Variants in SEMA3D observed in about 807,000 individuals in gnomAD.
SEMA3D encodes semaphorin-3D.
A neutral mutation model predicts 100.1 loss-of-function variants in SEMA3D; 84 were observed. The observed-to-expected ratio is 0.84, with a 90% CI of 0.70 to 1.01. The LOEUF is 1.01. SEMA3D is among the 50% of genes least tolerant of loss of function. The pLI, the probability that SEMA3D is intolerant of heterozygous loss-of-function variation, is 0.00. For missense variants in SEMA3D, 875 were observed against 934.1 expected (o/e 0.94, Z 0.82); for synonymous variants, 312 against 320.7 (o/e 0.97, Z 0.29).
Position 85,006,880 on chromosome 7 carries a change from A to G in SEMA3D, c.1830T>C (p.Phe610=). ...VIFGIEFNST[F]LECIPKSQQA... is the part of the protein sequence containing the mutation. ...GTTGGGATTTAGGTATACATTCCAG[A>G]AAGGTTGAGTTAAATTCAATGCCAA... Residue 610 remains phenylalanine (F), a synonymous_variant, in exon 18 of 19, where the codon TTT becomes TTC. Transcript: ENST00000284136. 6.2e-7 allele frequency: 1 copy of G among 1,611,150 alleles called. No homozygotes were observed. Among genetic ancestry groups the G allele is most frequent in the Non-Finnish European group, 8.5e-7 (1 of 1,178,088 alleles).
At chr7:85,156,466 G>T (rs1198653806) in intron 1 of SEMA3D, among the ~76,000 whole-genome samples, 1 of 152,100 alleles carries the variant, frequency 6.6e-6, no homozygotes, top group African/African-American at 2.4e-5. Context: ...TCTAGAGCTT[G>T]ATTCTTCCAA....
chr7:85,230,595 C>T, the SEMA3D span, among the ~76,000 whole-genome samples: 1 of 152,180 alleles, frequency 6.6e-6, no homozygotes, highest in East Asian at 1.9e-4. Flanking sequence ...TCCAGTTTTA[C>T]TTATTAAAAG....
chr7:85,154,629 T>A (rs762886431), intron 1 of SEMA3D, among the ~76,000 whole-genome samples: 3 of 152,140 alleles, frequency 2.0e-5, no homozygotes, highest in Non-Finnish European at 4.4e-5. Context: ...ATGGCAGTGA[T>A]TTGAAATACA....
chr7:85,088,943 A>C (rs1240452361), intron 4 of SEMA3D, among the ~76,000 whole-genome samples: 1 of 152,072 alleles, frequency 6.6e-6, no homozygotes, highest in African/African-American at 2.4e-5. Flanking sequence ...GCTTTCTTCC[A>C]CGAATCATCT....
Position 85,042,299 on chromosome 7 carries a change from AAAAATAAAG to A in SEMA3D, c.862-23_862-15del. 6.5e-7 allele frequency: 1 copy of A among 1,542,050 alleles called. No individual in the cohort carries two copies. On this transcript the variant is annotated splice_polypyrimidine_tract_variant and intron_variant, in intron 9 of 18. Transcript: ENST00000284136. ...TCCTACATCATTCTGACATGAAAAA[AAAAATAAAG>A]ATAAATATTTATCAACACAATTCTA...
chr7:85,061,045 T>C (rs538371436), intron 8 of SEMA3D, among the ~76,000 whole-genome samples: 1 of 152,320 alleles, frequency 6.6e-6, no homozygotes, highest in South Asian at 2.1e-4. Flanking sequence ...AGTTTGCATC[T>C]ATATTCCTAT....
chr7:85,224,560 C>T, the SEMA3D span, among the ~76,000 whole-genome samples: 2 of 152,034 alleles, frequency 1.3e-5, no homozygotes, highest in Non-Finnish European at 2.9e-5. Flanking sequence ...AAGGAAACTG[C>T]CTAAAGTAAC....
At chr7:85,119,510 A>G (rs1264110945) in intron 3 of SEMA3D, among the ~76,000 whole-genome samples, 1 of 152,088 alleles carries the variant, frequency 6.6e-6, no homozygotes, top group Non-Finnish European at 1.5e-5. Flanking sequence ...CTACTAATGG[A>G]GGGGAAAAAA....
the SEMA3D span, among the ~76,000 whole-genome samples, chr7:85,208,853 A>G: frequency 6.6e-6 from 1 of 152,088 alleles, no homozygotes; most frequent in African/African-American, 2.4e-5. Flanking sequence ...AAATACACGC[A>G]ATACTACAAA....
chr7:85,185,116 C>T (rs1791504623), intron 1 of SEMA3D, among the ~76,000 whole-genome samples: 1 of 151,516 alleles, frequency 6.6e-6, no homozygotes, highest in African/African-American at 2.4e-5. Context: ...AAGGAGAAGG[C>T]AAGGCATCAC....
intron 2 of SEMA3D, among the ~76,000 whole-genome samples, chr7:85,126,629 C>A (rs1181341086): frequency 1.3e-5 from 2 of 151,974 alleles, no homozygotes; most frequent in Non-Finnish European, 2.9e-5. Context: ...CAAATTGCTG[C>A]TCCTATTTTG....
At chr7:85,029,471 G>T in intron 12 of SEMA3D, 1 of 715,004 alleles carries the variant, frequency 1.4e-6, no homozygotes, top group Non-Finnish European at 2.6e-6. Context: ...AAGATTCTTA[G>T]CAAGTGCCAT....
At chr7:85,055,610 C>T in intron 9 of SEMA3D, 107 bp downstream of exon 9, 1 of 201,814 alleles carries the variant, frequency 5.0e-6, no homozygotes, top group Non-Finnish European at 8.8e-6. Context: ...TGAGCATTAA[C>T]TTTGGCTTAA....
At chr7:85,062,948 G>C (rs1345249594) in intron 8 of SEMA3D, among the ~76,000 whole-genome samples, 1 of 152,106 alleles carries the variant, frequency 6.6e-6, no homozygotes, top group Non-Finnish European at 1.5e-5. Flanking sequence ...ATGCTAAAGA[G>C]ATAGTAGAGA....
Position 85,155,958 on chromosome 7 carries a change from G to C in SEMA3D, c.-172-2219C>G, listed in dbSNP as rs559054834. Among the ~76,000 whole-genome samples, 11 of 151,978 alleles carry C rather than the reference G, an allele frequency of 7.2e-5. No individual in the cohort carries two copies. In the South Asian group the frequency reaches 2.1e-3, roughly 29 times the overall value. On this transcript the variant is annotated intron_variant, in intron 1 of 18. Coordinates refer to ENST00000284136, the MANE Select transcript of SEMA3D (RefSeq NM_001384900.1). ...TGCTTTTAATTCCAAATGTGCACTG[G>C]CCTATCCAATTATTAATTATTTTCA...
intron 5 of SEMA3D, among the ~76,000 whole-genome samples, chr7:85,077,516 T>A (rs1278839596): frequency 6.6e-6 from 1 of 151,990 alleles, no homozygotes; most frequent in Non-Finnish European, 1.5e-5. Flanking sequence ...ATTAAAAAAA[T>A]ATGGGCCGCA....
chr7:85,105,425 C>G (rs1449260922), intron 3 of SEMA3D, among the ~76,000 whole-genome samples: 3 of 152,192 alleles, frequency 2.0e-5, no homozygotes, highest in East Asian at 1.9e-4. Flanking sequence ...GGCTTGAGAT[C>G]ATGTGAAAAC....
intron 4 of SEMA3D, among the ~76,000 whole-genome samples, chr7:85,096,626 A>G (rs930129596): frequency 6.6e-6 from 1 of 151,922 alleles, no homozygotes; most frequent in African/African-American, 2.4e-5. Flanking sequence ...GTAGGCCTTA[A>G]AAATGTGTGA....
At chr7:85,031,752 C>T (rs564513594) in intron 12 of SEMA3D, among the ~76,000 whole-genome samples, 5 of 151,920 alleles carry the variant, frequency 3.3e-5, no homozygotes, top group African/African-American at 4.8e-5. Context: ...AGTGAGATAA[C>T]GTATACGGGC....
Sources: gnomAD v4.1 joint callset for allele counts (sites outside exome capture counted in the v4.1 genomes callset) on GRCh38, gnomAD v4.1.1 for gene constraint, MANE v1.5 for transcripts, NCBI Gene and HGNC (gene_info 2026-07-23, HGNC 2026-07-21) for gene names.